The following FCHO1 variants were observed in gnomAD, a reference collection of about 807,000 sequenced individuals.
FCHO1 encodes the protein F-BAR domain only protein 1.
Under a neutral mutation model 114.4 loss-of-function variants are expected in FCHO1, and 45 were observed. That is an observed-to-expected ratio of 0.39 (90% CI 0.31 to 0.50). The LOEUF is 0.50. FCHO1 is among the 20% of genes least tolerant of loss of function. The pLI, the probability that FCHO1 is intolerant of heterozygous loss-of-function variation, is 0.77. For missense variants in FCHO1, 1,042 were observed against 1,209.6 expected (o/e 0.86, Z 2.06); for synonymous variants, 480 against 488.9 (o/e 0.98, Z 0.24).
rs377005140 is a variant in FCHO1 at position 17,778,589 on chromosome 19, C to T, written c.1352-20C>T. On this transcript the variant is annotated intron_variant, in intron 19 of 28. Transcript: ENST00000596536. The stretch of plus-strand genomic sequence containing the variant: ...TGAGTGGGCGAGGGTCGGAGCTGAC[C>T]GCCCGCTTCCCTCCCCAAGGCTCTA... 3 of 1,517,610 alleles carry T rather than the reference C, an allele frequency of 2.0e-6. No homozygotes were observed. Among genetic ancestry groups the T allele is most frequent in the African/African-American group, 1.4e-5 (1 of 72,722 alleles). 94.0% of individuals were successfully genotyped at this position (1,517,610 alleles called of 1,614,324 possible).
intron 4 of FCHO1, among the ~76,000 whole-genome samples, chr19:17,760,956 C>G (rs2085896239): frequency 6.6e-6 from 1 of 152,038 alleles, no homozygotes. Context: ...ACCTCCCTGC[C>G]CCATCTTAAT....
chr19:17,772,424 T>G, intron 9 of FCHO1, 33 bp from the exon 10 acceptor site: 1 of 1,560,490 alleles, frequency 6.4e-7, no homozygotes, highest in Non-Finnish European at 8.8e-7. Flanking sequence ...GGCCCTGACC[T>G]CCTTTCCACC....
chr19:17,756,120 TG>T (rs1333595082), intron 4 of FCHO1, among the ~76,000 whole-genome samples: 1 of 152,166 alleles, frequency 6.6e-6, no homozygotes, highest in Non-Finnish European at 1.5e-5. Context: ...TGGTTGCCCC[TG>T]GCAACAAGCC....
chr19:17,781,364 G>A (rs774742158), intron 21 of FCHO1, 21 bp downstream of exon 21: 1 of 1,610,362 alleles, frequency 6.2e-7, no homozygotes, highest in Non-Finnish European at 8.5e-7. Context: ...GGGCGTGGCA[G>A]GAGCTGGACT....
rs1462191681 is a variant in FCHO1, at chr19:17,778,734, GT to G, written c.1478del (p.Val493AlafsTer52). The G allele has an allele frequency of 6.5e-7, 1 of 1,541,110 alleles. No individual in the cohort carries two copies. On this transcript the variant is annotated frameshift_variant, in exon 20 of 29. Transcript: ENST00000596536. LOFTEE classifies it high-confidence loss of function. ...ACCTGGCCCCTCCCCAGATTCCTGG[GT>G]CCCCCGCCCAGGCACCCCGCAGAGC... ...AAPGPSPDSW[V>X]PRPGTPQSPP...
Position 17,763,102 on chromosome 19 carries a change from A to AT in FCHO1, c.119+260dup, listed in dbSNP as rs879508500. Among the ~76,000 whole-genome samples, 585 of 148,412 alleles carry AT rather than the reference A, an allele frequency of 3.9e-3. 6 individuals carry two copies. The highest frequency in any genetic ancestry group is 0.013 in the African/African-American group (539 of 40,604). On this transcript the variant is annotated intron_variant, in intron 5 of 28. Coordinates refer to ENST00000596536, the MANE Select transcript of FCHO1 (RefSeq NM_015122.3). ...ATGATATAACCTACTCAAGGTTGGAATTTTTTTTTTTGGAGACAAGATCTT... is the reference window on the plus strand; with the variant it reads ...ATGATATAACCTACTCAAGGTTGGAATTTTTTTTTTTTGGAGACAAGATCTT...
intron 19 of FCHO1, 72 bp downstream of exon 19, chr19:17,778,300 G>A (rs2092906751): frequency 1.6e-6 from 2 of 1,267,736 alleles, no homozygotes; most frequent in Non-Finnish European, 2.3e-6. Context: ...TGCAGAGTTA[G>A]GCCAATGAGG....
chr19:17,785,886 G>A (rs1032999804), intron 26 of FCHO1, among the ~76,000 whole-genome samples: 3 of 151,212 alleles, frequency 2.0e-5, no homozygotes, highest in Admixed American at 6.6e-5. Context: ...CCAGCTACTC[G>A]GGAGGCTGAG....
At position 17,764,520 on chromosome 19, in the gene FCHO1, C is replaced by A. The variant is rs1421356506; in HGVS notation, c.194+71C>A. The A allele has an allele frequency of 4.6e-6, 6 of 1,291,838 alleles. No individual in the cohort carries two copies. The Admixed American group carries it at 1.0e-4, about 22-fold the overall frequency. The allele number at this position is 1,291,838 out of a possible 1,614,324, so 80.0% of individuals were successfully genotyped here. On this transcript the variant is annotated intron_variant, in intron 6 of 28. Transcript: ENST00000596536. ...TCCTTGGTGGACATCTCTTCACACT[C>A]GGTGCATGTAGAATAGAGTGTCATC...
At chr19:17,772,395 C>T in intron 9 of FCHO1, 62 bp from the exon 10 acceptor site, 1 of 1,258,408 alleles carries the variant, frequency 7.9e-7, no homozygotes, top group Non-Finnish European at 1.2e-6. Flanking sequence ...CAGGCTGAGT[C>T]ATATGGCCAC....
At position 17,776,383 on chromosome 19, in the gene FCHO1, C is replaced by A; in HGVS notation, c.1207+112C>A. The A allele has an allele frequency of 7.4e-7, 1 of 1,358,232 alleles. No homozygotes were observed. The highest frequency in any genetic ancestry group is 1.2e-5 in the South Asian group (1 of 85,456). 84.1% of individuals were successfully genotyped at this position (1,358,232 alleles called of 1,614,324 possible). A position where few individuals can be genotyped will look rare whatever the true frequency, so the allele number is the denominator to read the frequency against. Reference sequence around the variant, plus strand: ...ACTTTGGGCAGGCTGCTTAACCACACTGACCTTCAGTCTCCTTTTCTGTAA... The same window carrying A: ...ACTTTGGGCAGGCTGCTTAACCACAATGACCTTCAGTCTCCTTTTCTGTAA... On this transcript the variant is annotated intron_variant, in intron 17 of 28. Transcript: ENST00000596536. The surrounding 1 kb of genome is among the most constrained non-coding windows in gnomAD (Gnocchi z 4.4).
intron 7 of FCHO1, among the ~76,000 whole-genome samples, chr19:17,770,143 T>C (rs997110263): frequency 3.6e-4 from 55 of 151,792 alleles, no homozygotes; most frequent in Non-Finnish European, 1.9e-4. Flanking sequence ...CCACTAAAAA[T>C]ACAAAAAATT....
intron 26 of FCHO1, among the ~76,000 whole-genome samples, chr19:17,785,170 T>C (rs965901740): frequency 6.6e-6 from 1 of 152,114 alleles, no homozygotes; most frequent in African/African-American, 2.4e-5. Context: ...GCCTGGGCAA[T>C]ATGGTGAGAT....
rs533785748 is a variant in FCHO1, at chr19:17,775,885, C to T, written c.1004-98C>T. On this transcript the variant is annotated intron_variant, in intron 15 of 28. Coordinates refer to ENST00000596536, the MANE Select transcript of FCHO1 (RefSeq NM_015122.3). The surrounding 1 kb of genome is among the most constrained non-coding windows in gnomAD (Gnocchi z 5.1). ...TGGTGAGCGATGGGATTGGGCAGGA[C>T]CTCGAAGGGTTTGAGCAGGGAGGGA... is the stretch of plus-strand genomic sequence containing the variant. 223 of 1,437,346 alleles carry T rather than the reference C, an allele frequency of 1.6e-4. No homozygotes were observed. The Middle Eastern group carries it at 2.1e-3, about 13-fold the overall frequency. The allele number at this position is 1,437,346 out of a possible 1,614,324, so 89.0% of individuals were successfully genotyped here.
intron 4 of FCHO1, among the ~76,000 whole-genome samples, chr19:17,761,121 G>A (rs1366539661): frequency 6.6e-6 from 1 of 152,178 alleles, no homozygotes; most frequent in Middle Eastern, 3.2e-3. Flanking sequence ...GTTCCCAGTG[G>A]CACTAACAGG....
intron 7 of FCHO1, among the ~76,000 whole-genome samples, chr19:17,769,304 C>T (rs1404457958): frequency 8.0e-5 from 11 of 138,204 alleles, no homozygotes; most frequent in East Asian, 6.5e-4. Flanking sequence ...AGGCCTGGCA[C>T]GGTGGCTCAA....
At chr19:17,780,405 CT>C (rs2093282932) in intron 20 of FCHO1, among the ~76,000 whole-genome samples, 1 of 152,122 alleles carries the variant, frequency 6.6e-6, no homozygotes, top group Non-Finnish European at 1.5e-5. Flanking sequence ...CTCAGGTGAT[CT>C]GCCTGCCTCG....
upstream of FCHO1, among the ~76,000 whole-genome samples, chr19:17,751,102 A>C (rs1013246633): frequency 1.3e-5 from 2 of 151,982 alleles, no homozygotes; most frequent in Non-Finnish European, 2.9e-5. The surrounding 1 kb of genome is among the most constrained non-coding windows in gnomAD (Gnocchi z 4.4). Context: ...GGCCTCTCAA[A>C]GTGCTGGGAT....
At chr19:17,779,005 C>T (rs2093021546) in intron 20 of FCHO1, 121 bp downstream of exon 20, 2 of 1,084,498 alleles carry the variant, frequency 1.8e-6, no homozygotes, top group South Asian at 1.7e-5. Context: ...CAGGCAGAAC[C>T]TCCCACCGTT....
Sources: gnomAD v4.1 joint callset for allele counts (sites outside exome capture counted in the v4.1 genomes callset) on GRCh38, gnomAD v4.1.1 for gene constraint, Gnocchi (gnomAD v3.1) non-coding constraint, MANE v1.5 for transcripts, NCBI Gene and HGNC (gene_info 2026-07-23, HGNC 2026-07-21) for gene names.